The following SYN3 variants were observed in gnomAD, a reference collection of about 807,000 sequenced individuals.
SYN3 encodes the protein synapsin-3.
A neutral mutation model predicts 65.8 loss-of-function variants in SYN3; 35 were observed. The observed-to-expected ratio is 0.53, with a 90% CI of 0.41 to 0.70. The LOEUF (loss-of-function observed/expected upper bound fraction) is 0.70, where lower values mean the gene tolerates loss of function less well. Ranked by LOEUF, SYN3 falls within the 30% of genes least tolerant of loss-of-function variation. The pLI is 0.00. For synonymous variants in SYN3, 270 were observed against 292.9 expected, an observed-to-expected ratio of 0.92 and a Z score of 0.80; for missense variants, 680 against 749.0, an observed-to-expected ratio of 0.91 and a Z score of 1.08.
At chr22:32,616,555 A>G (rs1165342549) in intron 6 of SYN3, among the ~76,000 whole-genome samples, 4 of 152,050 alleles carry the variant, frequency 2.6e-5, no homozygotes, top group African/African-American at 9.7e-5. Context: ...CTAGTTCACA[A>G]ACAAGACCAC....
intron 3 of SYN3, among the ~76,000 whole-genome samples, chr22:32,964,095 C>A (rs1308187715): frequency 6.6e-6 from 1 of 151,978 alleles, no homozygotes; most frequent in Non-Finnish European, 1.5e-5. Context: ...AGAACTCACC[C>A]ATTAGCTCAC....
At chr22:32,519,326 CG>C (rs1175015378) in intron 12 of SYN3, 2 of 150,284 alleles carry the variant, frequency 1.3e-5, no homozygotes, top group East Asian at 3.9e-4. Flanking sequence ...TTTTTTCTCA[CG>C]GGTATTTTCC....
intron 7 of SYN3, among the ~76,000 whole-genome samples, chr22:32,546,369 C>CA (rs1162277677): frequency 1.3e-5 from 2 of 151,930 alleles, no homozygotes; most frequent in Admixed American, 6.5e-5. Flanking sequence ...AAGAGAGTTC[C>CA]AAAAAAAGGC....
At chr22:32,794,870 G>C (rs1415203900) in intron 6 of SYN3, among the ~76,000 whole-genome samples, 1 of 152,166 alleles carries the variant, frequency 6.6e-6, no homozygotes, top group Non-Finnish European at 1.5e-5. Context: ...GGAGGAGGGT[G>C]GGGGAATATA....
chr22:32,527,990 A>G lies in SYN3; in HGVS notation c.1246T>C (p.Ser416Pro). The G allele has an allele frequency of 6.3e-7, 1 of 1,583,638 alleles. No individual in the cohort carries two copies. Among genetic ancestry groups the G allele is most frequent in the Non-Finnish European group, 8.6e-7 (1 of 1,163,474 alleles). The change falls in exon 12 of 14, where the codon TCA becomes CCA. Residue 416 changes from serine to proline, a missense_variant. Ser to Pro is a moderately conservative substitution (Grantham distance 74). Transcript: ENST00000358763. ...TGGGCTTGCCCTGGGGATTTCGCTG[A>G]TTTAATCTGTGGAGCCTAGAGCAGA... ...PLRPWAPQIK[S>P]AKSPGQAQLG... is the part of the protein sequence containing the mutation.
At chr22:32,818,312 G>A (rs932562893) in intron 6 of SYN3, among the ~76,000 whole-genome samples, 3 of 152,124 alleles carry the variant, frequency 2.0e-5, no homozygotes, top group African/African-American at 7.2e-5. Flanking sequence ...CAGCCTATGC[G>A]GTCCATCAGG....
At chr22:32,675,181 C>T (rs961498379) in intron 6 of SYN3, among the ~76,000 whole-genome samples, 3 of 152,134 alleles carry the variant, frequency 2.0e-5, no homozygotes, top group Admixed American at 6.5e-5. Context: ...CCAAATGGGC[C>T]GGAGAACTTT....
chr22:32,644,354 T>TGAGGTGGGGAAGAGGAAGAGG (rs1569119162), intron 6 of SYN3, among the ~76,000 whole-genome samples: 2 of 151,658 alleles, frequency 1.3e-5, no homozygotes, highest in Admixed American at 6.6e-5. Flanking sequence ...GGGAGGGGTA[T>TGAGGTGGGGAAGAGGAAGAGG]GAGGTGGGGA....
chr22:33,049,679 A>G (rs1247316032), intron 1 of SYN3, among the ~76,000 whole-genome samples: 1 of 152,206 alleles, frequency 6.6e-6, no homozygotes, highest in Non-Finnish European at 1.5e-5. Flanking sequence ...TCGGGAAGAC[A>G]AAGAACAAAA....
intron 4 of SYN3, among the ~76,000 whole-genome samples, chr22:32,910,250 A>C (rs1395136909): frequency 6.6e-6 from 1 of 152,170 alleles, no homozygotes; most frequent in Non-Finnish European, 1.5e-5. Context: ...TTTACTTGGA[A>C]TTTTAAGATA....
chr22:32,612,410 A>T (rs1423732830), intron 6 of SYN3, among the ~76,000 whole-genome samples: 1 of 152,222 alleles, frequency 6.6e-6, no homozygotes, highest in Admixed American at 6.5e-5. Flanking sequence ...GTCAGAATTG[A>T]ATTCAATTGC....
chr22:32,993,584 T>A (rs2052788967), intron 2 of SYN3, among the ~76,000 whole-genome samples: 1 of 152,188 alleles, frequency 6.6e-6, no homozygotes, highest in South Asian at 2.1e-4. Context: ...AACTTTGTGA[T>A]TCACCCGCCT....
intron 6 of SYN3, among the ~76,000 whole-genome samples, chr22:32,843,401 T>C (rs1040331270): frequency 1.3e-5 from 2 of 152,192 alleles, no homozygotes; most frequent in Non-Finnish European, 2.9e-5. Context: ...TCTGCCCTCC[T>C]TGGGCAGGCT....
intron 1 of SYN3, among the ~76,000 whole-genome samples, chr22:33,027,968 CTT>C (rs2053667260): frequency 2.0e-5 from 3 of 152,248 alleles, no homozygotes; most frequent in Admixed American, 2.0e-4. Context: ...TATCAACACT[CTT>C]TGCATCTAAC....
chr22:33,006,464 T>C lies in SYN3; in HGVS notation c.199A>G (p.Met67Val), dbSNP rs1026762236. 6 of 1,614,136 alleles carry C rather than the reference T, an allele frequency of 3.7e-6. No individual in the cohort carries two copies. The highest frequency in any genetic ancestry group is 4.2e-6 in the Non-Finnish European group (5 of 1,180,020). The change falls in exon 2 of 14, where the codon ATG (methionine) becomes GTG (valine). Residue 67 changes from methionine to valine, a missense_variant. Met to Val is a conservative substitution (Grantham distance 21). Transcript: ENST00000358763. ...SSLFSSLSSAMKQAPQATSGL... is the reference protein window; with the variant it reads ...SSLFSSLSSAVKQAPQATSGL... ...GAGGTGGCCTGAGGGGCCTGCTTCA[T>C]GGCACTGGAGAGGGAGCTAAAAAGG...
chr22:32,819,351 C>T (rs1053317645), intron 6 of SYN3, among the ~76,000 whole-genome samples: 2 of 152,224 alleles, frequency 1.3e-5, no homozygotes, highest in Non-Finnish European at 2.9e-5. Flanking sequence ...TGAGGTCCTG[C>T]GGTCTCCTTC....
chr22:33,005,950 G>T (rs941437862), intron 2 of SYN3, among the ~76,000 whole-genome samples: 1 of 152,158 alleles, frequency 6.6e-6, no homozygotes, highest in South Asian at 2.1e-4. Flanking sequence ...AGCAGGCTCT[G>T]AACTATACTC....
At chr22:32,644,620 G>A (rs2059957936) in intron 6 of SYN3, among the ~76,000 whole-genome samples, 1 of 152,170 alleles carries the variant, frequency 6.6e-6, no homozygotes, top group Non-Finnish European at 1.5e-5. Context: ...TGAACTGCTG[G>A]GCAGGTTATT....
chr22:32,941,657 T>A (rs547240705), intron 3 of SYN3, among the ~76,000 whole-genome samples: 1 of 151,926 alleles, frequency 6.6e-6, no homozygotes, highest in Non-Finnish European at 1.5e-5. Flanking sequence ...AGGCATCGCC[T>A]CACCCGGGAA....
Sources: allele counts gnomAD v4.1 joint callset (sites outside exome capture counted in the v4.1 genomes callset), GRCh38; gene constraint gnomAD v4.1.1; transcripts MANE v1.5; gene names NCBI Gene and HGNC (gene_info 2026-07-23, HGNC 2026-07-21).